EVC: variants seen among roughly 807,000 people sequenced by gnomAD.
The protein encoded by EVC is EvC ciliary complex subunit 1, also known as evC complex member EVC.
In EVC, 116 loss-of-function variants were observed where a neutral mutation model predicts 118.9. The ratio of observed to expected loss-of-function variants is 0.98; its 90% CI spans 0.84 to 1.14. The LOEUF is 1.14. Among genes scored for constraint, EVC ranks in the 50% most tolerant of loss-of-function variants. The pLI is 0.00. For synonymous variants in EVC, 619 were observed against 534.7 expected, an observed-to-expected ratio of 1.16 and a Z score of -2.18; for missense variants, 1,401 against 1,246.4, an observed-to-expected ratio of 1.12 and a Z score of -1.87.
intron 5 of EVC, among the ~76,000 whole-genome samples, chr4:5,734,949 C>G (rs1354157309): frequency 6.6e-6 from 1 of 152,142 alleles, no homozygotes; most frequent in Non-Finnish European, 1.5e-5. Flanking sequence ...TGTTTCTGGG[C>G]TCAGAGCCTG....
At chr4:5,726,297 A>G (rs73071992) in intron 2 of EVC, among the ~76,000 whole-genome samples, 10,187 of 152,302 alleles carry the variant, frequency 0.067, 370 homozygotes, top group South Asian at 0.1. Flanking sequence ...CTGCAGCGCC[A>G]GGCTTTGGGC....
chr4:5,814,768 C>G (rs971818644), downstream of EVC, among the ~76,000 whole-genome samples: 3 of 151,982 alleles, frequency 2.0e-5, no homozygotes, highest in Non-Finnish European at 4.4e-5. Context: ...CCCTGCCCCC[C>G]TCCCCAGCCC....
At position 5,719,372 on chromosome 4, in the gene EVC, A is replaced by C; in HGVS notation, c.299A>C (p.Asp100Ala). 6.2e-7 allele frequency: 1 copy of C among 1,614,168 alleles called. No homozygotes were observed. Among genetic ancestry groups the C allele is most frequent in the Non-Finnish European group, 8.5e-7 (1 of 1,180,002 alleles). Residue 100 changes from aspartate (D) to alanine (A), a missense_variant and splice_region_variant, in exon 2 of 21, where the codon GAT becomes GCT. Coordinates refer to ENST00000264956, the MANE Select transcript of EVC (RefSeq NM_153717.3). The surrounding 1 kb of genome is among the most constrained non-coding windows in gnomAD (Gnocchi z 4.7). Reference sequence around the variant, plus strand: ...ATGTCGAAGGACAAGGAAGCTGTTGATGTAAGCTTGGTGTTGATGTTTGTT... The same window carrying C: ...ATGTCGAAGGACAAGGAAGCTGTTGCTGTAAGCTTGGTGTTGATGTTTGTT... ...VQMSKDKEAV[D>A]ECEPPSNSNI...
the EVC span, chr4:5,821,688 A>G: frequency 2.1e-6 from 3 of 1,448,546 alleles, no homozygotes; most frequent in Non-Finnish European, 2.8e-6. The surrounding 1 kb of genome is among the most constrained non-coding windows in gnomAD (Gnocchi z 4.4). Context: ...GTGGGTTTCA[A>G]AAACACTGAC....
At chr4:5,764,701 T>C (rs1278422884) in intron 11 of EVC, among the ~76,000 whole-genome samples, 53 of 143,290 alleles carry the variant, frequency 3.7e-4, no homozygotes, top group African/African-American at 1.4e-3. Context: ...GAGGTGTTTG[T>C]AGTATTCTCT....
intron 11 of EVC, among the ~76,000 whole-genome samples, chr4:5,769,903 G>T (rs1451760680): frequency 2.0e-5 from 3 of 152,124 alleles, no homozygotes; most frequent in Non-Finnish European, 2.9e-5. Flanking sequence ...CACTTCTTCT[G>T]ATGTCAGATG....
At chr4:5,776,349 C>T (rs184031993) in intron 11 of EVC, among the ~76,000 whole-genome samples, 21 of 152,156 alleles carry the variant, frequency 1.4e-4, no homozygotes. Context: ...CAAAAAGTGA[C>T]CCTGTGTTTA....
chr4:5,805,309 A>C (rs989755544), intron 17 of EVC, among the ~76,000 whole-genome samples: 1 of 152,178 alleles, frequency 6.6e-6, no homozygotes, highest in Non-Finnish European at 1.5e-5. Flanking sequence ...AGCCCAAGCC[A>C]TGTAGACTGC....
At chr4:5,794,239 TTATA>T (rs1185724813) in intron 13 of EVC, among the ~76,000 whole-genome samples, 4 of 77,906 alleles carry the variant, frequency 5.1e-5, no homozygotes, top group African/African-American at 1.6e-4. Context: ...ATATATATAT[TTATA>T]TATATATTTA....
intron 8 of EVC, among the ~76,000 whole-genome samples, chr4:5,750,424 T>A (rs540012748): frequency 2.6e-5 from 4 of 152,340 alleles, no homozygotes; most frequent in Admixed American, 2.6e-4. Context: ...ACAGCATGAC[T>A]GTCCTTCAGC....
At chr4:5,750,876 G>A (rs767095148) in intron 8 of EVC, among the ~76,000 whole-genome samples, 17 of 152,120 alleles carry the variant, frequency 1.1e-4, no homozygotes, top group Non-Finnish European at 2.2e-4. Flanking sequence ...GCACCAAAGG[G>A]AAAAAAGATG....
chr4:5,799,570 G>C (rs1460987045), intron 15 of EVC, among the ~76,000 whole-genome samples: 1 of 152,162 alleles, frequency 6.6e-6, no homozygotes, highest in African/African-American at 2.4e-5. Context: ...AAGCTGTAAG[G>C]AGAGGTAGGG....
chr4:5,810,735 C>G (rs997554177), intron 20 of EVC, among the ~76,000 whole-genome samples: 1 of 152,226 alleles, frequency 6.6e-6, no homozygotes, highest in Non-Finnish European at 1.5e-5. Flanking sequence ...TGGGCAGTCC[C>G]TTCTTTGACC....
chr4:5,798,300 T>G lies in EVC; in HGVS notation c.2098-286T>G, dbSNP rs1714347614. Among the ~76,000 whole-genome samples, 2 of 152,148 alleles carry G rather than the reference T, an allele frequency of 1.3e-5. No homozygotes were observed. Among genetic ancestry groups the G allele is most frequent in the Admixed American group, 1.3e-4 (2 of 15,276 alleles). ...TGCTAGTGTTCAGGTCTCATGATGT[T>G]CTAGAAGGATGAGCAAGGCCCCCCA... On this transcript the variant is annotated intron_variant, in intron 14 of 20. Transcript: ENST00000264956. This position sits in a 1 kb window ranked among gnomAD's most constrained non-coding sequence, Gnocchi z 4.1.
At chr4:5,783,833 C>A in intron 12 of EVC, 69 bp downstream of exon 12, 1 of 1,438,006 alleles carries the variant, frequency 7.0e-7, no homozygotes, top group East Asian at 2.5e-5. Context: ...CGTGAGAGAT[C>A]TCACGTCCTG....
intron 11 of EVC, among the ~76,000 whole-genome samples, chr4:5,778,081 A>G (rs1734989577): frequency 6.7e-6 from 1 of 149,384 alleles, no homozygotes; most frequent in Non-Finnish European, 1.5e-5. Flanking sequence ...GAGTGAGAAT[A>G]TGCGGTGTTT....
At chr4:5,730,984 G>T (rs186196868) in intron 3 of EVC, among the ~76,000 whole-genome samples, 2 of 152,134 alleles carry the variant, frequency 1.3e-5, no homozygotes, top group Admixed American at 6.5e-5. Flanking sequence ...CAGAGGGCAG[G>T]AGGGTGACTC....
At chr4:5,823,481 C>CCA in the EVC span, among the ~76,000 whole-genome samples, 1 of 152,170 alleles carries the variant, frequency 6.6e-6, no homozygotes, top group Non-Finnish European at 1.5e-5. Context: ...TTTTGTCCCC[C>CCA]AAAACTTCGT....
intron 13 of EVC, among the ~76,000 whole-genome samples, chr4:5,795,239 C>T (rs547167723): frequency 6.6e-6 from 1 of 152,224 alleles, no homozygotes; most frequent in East Asian, 1.9e-4. Flanking sequence ...AATTTATTTT[C>T]TTTCAGGTAT....
Sources: gnomAD v4.1 joint callset for allele counts (sites outside exome capture counted in the v4.1 genomes callset) on GRCh38, gnomAD v4.1.1 for gene constraint, Gnocchi (gnomAD v3.1) non-coding constraint, MANE v1.5 for transcripts, NCBI Gene and HGNC (gene_info 2026-07-23, HGNC 2026-07-21) for gene names.